Variants in PLEKHA7 observed in about 807,000 individuals in gnomAD.
PLEKHA7 encodes pleckstrin homology domain containing A7.
A neutral mutation model predicts 170.0 loss-of-function variants in PLEKHA7; 104 were observed. The observed-to-expected ratio is 0.61, with a 90% CI of 0.52 to 0.72. PLEKHA7 has a LOEUF of 0.72. Among genes scored for constraint, PLEKHA7 ranks in the 30% least tolerant of loss-of-function variants. PLEKHA7 has a pLI of 0.00. For missense variants in PLEKHA7, 1,615 were observed against 1,671.7 expected (o/e 0.97, Z 0.59); for synonymous variants, 648 against 660.8 (o/e 0.98, Z 0.30).
chr11:16,895,518 G>A (rs567859323), intron 3 of PLEKHA7, among the ~76,000 whole-genome samples: 1 of 152,318 alleles, frequency 6.6e-6, no homozygotes, highest in East Asian at 1.9e-4. Context: ...TGTGTCAGCA[G>A]GGAGGGATGC....
chr11:16,862,951 T>A (rs889108803), intron 4 of PLEKHA7, among the ~76,000 whole-genome samples: 9 of 61,700 alleles, frequency 1.5e-4, no homozygotes, highest in Admixed American at 4.2e-4. Context: ...GCTGGCTATG[T>A]CAGCTGCAGA....
At chr11:16,991,009 T>C (rs1440944424) in intron 3 of PLEKHA7, among the ~76,000 whole-genome samples, 1 of 152,104 alleles carries the variant, frequency 6.6e-6, no homozygotes, top group Non-Finnish European at 1.5e-5. Flanking sequence ...AGATAGAAAA[T>C]GTCTGTTTTC....
intron 3 of PLEKHA7, among the ~76,000 whole-genome samples, chr11:16,903,987 C>T (rs1237318776): frequency 6.6e-6 from 1 of 152,164 alleles, no homozygotes; most frequent in Non-Finnish European, 1.5e-5. Context: ...GCTCTACATT[C>T]CTGCTGTACA....
chr11:16,980,224 C>A (rs1863341516), intron 3 of PLEKHA7, among the ~76,000 whole-genome samples: 1 of 152,232 alleles, frequency 6.6e-6, no homozygotes, highest in Non-Finnish European at 1.5e-5. Context: ...CTAGCATCTG[C>A]TGAGCCCTCG....
intron 3 of PLEKHA7, among the ~76,000 whole-genome samples, chr11:17,002,737 G>A (rs895838099): frequency 1.3e-5 from 2 of 152,278 alleles, no homozygotes; most frequent in Non-Finnish European, 1.5e-5. Flanking sequence ...GGTCAGAGCC[G>A]ATAACCAGGT....
intron 3 of PLEKHA7, among the ~76,000 whole-genome samples, chr11:16,983,914 C>A (rs1863583279): frequency 6.6e-6 from 1 of 151,128 alleles, no homozygotes; most frequent in Admixed American, 6.6e-5. Flanking sequence ...CCGGTCTCTA[C>A]AAAAAAAAAT....
At chr11:16,909,871 C>T (rs991134222) in intron 3 of PLEKHA7, among the ~76,000 whole-genome samples, 1 of 152,130 alleles carries the variant, frequency 6.6e-6, no homozygotes, top group African/African-American at 2.4e-5. Context: ...TATAATAGAT[C>T]TGACAGCCCT....
chr11:16,822,461 C>T (rs1251760771), intron 10 of PLEKHA7, among the ~76,000 whole-genome samples: 1 of 147,436 alleles, frequency 6.8e-6, no homozygotes, highest in Non-Finnish European at 1.5e-5. Context: ...GCCCAGCCTC[C>T]TTGAAAGGTA....
chr11:16,960,335 C>T lies in PLEKHA7; in HGVS notation c.221+53654G>A, dbSNP rs578113076. 9.2e-5 allele frequency among the ~76,000 whole-genome samples: 14 copies of T among 152,310 alleles called. No homozygotes were observed. In the South Asian group the frequency reaches 1.2e-3, roughly 14 times the overall value. The stretch of plus-strand genomic sequence containing the variant: ...GGCACCCAGAGCAGGAGGCATGGGC[C>T]CCAGAAGCCTGAGCTGGGCCAGGAA... On this transcript the variant is annotated intron_variant, in intron 3 of 26. Transcript: ENST00000531066.
chr11:16,913,776 A>T (rs987705611), intron 3 of PLEKHA7, among the ~76,000 whole-genome samples: 2 of 152,208 alleles, frequency 1.3e-5, no homozygotes, highest in African/African-American at 4.8e-5. Flanking sequence ...TCTGTGCACA[A>T]TGGTCAGAAG....
chr11:16,806,861 C>T (rs777746013), intron 13 of PLEKHA7, among the ~76,000 whole-genome samples: 3 of 152,198 alleles, frequency 2.0e-5, no homozygotes, highest in Admixed American at 6.5e-5. Flanking sequence ...GAGGCAGACA[C>T]GTGATGATGG....
chr11:16,893,782 A>T (rs1220706594), intron 3 of PLEKHA7, among the ~76,000 whole-genome samples: 1 of 152,220 alleles, frequency 6.6e-6, no homozygotes, highest in Non-Finnish European at 1.5e-5. Flanking sequence ...CAGCACACAG[A>T]TCTGAGGGCC....
At chr11:16,833,429 T>C (rs1851274469) in intron 9 of PLEKHA7, among the ~76,000 whole-genome samples, 1 of 152,218 alleles carries the variant, frequency 6.6e-6, no homozygotes, top group Non-Finnish European at 1.5e-5. Context: ...CATTCCTGCC[T>C]GAAGAATCCT....
intron 7 of PLEKHA7, 73 bp downstream of exon 7, chr11:16,852,210 C>T: frequency 1.5e-6 from 2 of 1,371,378 alleles, no homozygotes; most frequent in Non-Finnish European, 2.1e-6. Flanking sequence ...GACTGGTAAA[C>T]CTGAAGTCAC....
intron 21 of PLEKHA7, chr11:16,790,232 G>A: frequency 3.4e-6 from 1 of 290,064 alleles, no homozygotes; most frequent in Non-Finnish European, 6.6e-6. Context: ...ACCCAACTTG[G>A]GGTGAGGAGG....
At chr11:16,901,475 G>C (rs1005022397) in intron 3 of PLEKHA7, among the ~76,000 whole-genome samples, 3 of 152,182 alleles carry the variant, frequency 2.0e-5, no homozygotes, top group Non-Finnish European at 4.4e-5. Flanking sequence ...CATTTATTTA[G>C]GTAAGCATTA....
At chr11:16,846,348 A>C (rs1852412179) in intron 8 of PLEKHA7, among the ~76,000 whole-genome samples, 1 of 152,142 alleles carries the variant, frequency 6.6e-6, no homozygotes, top group Non-Finnish European at 1.5e-5. Context: ...AAAAGAAACG[A>C]AACTTCTCAC....
intron 13 of PLEKHA7, among the ~76,000 whole-genome samples, chr11:16,810,456 C>G (rs1849290632): frequency 6.6e-6 from 1 of 152,186 alleles, no homozygotes; most frequent in Non-Finnish European, 1.5e-5. Context: ...GGCACAAAAC[C>G]CAGCTTGTTT....
chr11:16,810,763 CAT>C (rs1433970666), intron 13 of PLEKHA7, among the ~76,000 whole-genome samples: 1 of 152,194 alleles, frequency 6.6e-6, no homozygotes, highest in Non-Finnish European at 1.5e-5. Flanking sequence ...TCCACAAAAA[CAT>C]AAGGCCTTTG....
Sources: gnomAD v4.1 joint callset for allele counts (sites outside exome capture counted in the v4.1 genomes callset) on GRCh38, gnomAD v4.1.1 for gene constraint, MANE v1.5 for transcripts, NCBI Gene and HGNC (gene_info 2026-07-23, HGNC 2026-07-21) for gene names.